The following GTPBP1 variants were observed in gnomAD, a reference collection of about 807,000 sequenced individuals.
GTPBP1 encodes the protein GTP-binding protein 1.
In GTPBP1, 23 loss-of-function variants were observed where a neutral mutation model predicts 62.0. The observed-to-expected ratio is 0.37, with a 90% CI of 0.27 to 0.53. The LOEUF is 0.53. GTPBP1 is among the 20% of genes least tolerant of loss of function. The pLI, the probability that GTPBP1 is intolerant of heterozygous loss-of-function variation, is 0.89. For missense variants in GTPBP1, 640 were observed against 917.3 expected, an observed-to-expected ratio of 0.70 and a Z score of 3.90; for synonymous variants, 344 against 364.4, an observed-to-expected ratio of 0.94 and a Z score of 0.64.
At chr22:38,736,281 C>T (rs2092804001), downstream of GTPBP1, 1 of 1,613,360 alleles carries the variant, frequency 6.2e-7, no homozygotes. Flanking sequence ...TGGGCGGGCT[C>T]CCCATGCACT....
chr22:38,722,659 A>G (rs1018143765), intron 5 of GTPBP1: 49 of 1,523,660 alleles, frequency 3.2e-5, no homozygotes, highest in Admixed American at 1.9e-4. Context: ...CCTTCTACAG[A>G]TAATCATCTA....
downstream of GTPBP1, chr22:38,736,373 G>A (rs375420471): frequency 1.5e-5 from 25 of 1,612,954 alleles, no homozygotes; most frequent in South Asian, 7.7e-5. Context: ...CGTGGCCATC[G>A]TAGGGGCCTG....
In GTPBP1 at chr22:38,727,302, C is replaced by T. The variant is rs774021549; in HGVS notation, c.1491C>T (p.Leu497=). ...CCTGGGAGTTTGAGGCCGAGATTCT[C>T]GTCCTCCACCACCCCACCACAATTA... ...QASWEFEAEI[L]VLHHPTTISP... The change falls in exon 9 of 12, where the codon CTC becomes CTT. Residue 497 remains leucine (L), a synonymous_variant. Transcript: ENST00000216044. This position sits in a 1 kb window ranked among gnomAD's most constrained non-coding sequence, Gnocchi z 6.5. The T allele has an allele frequency of 6.9e-6, 11 of 1,598,634 alleles. No homozygotes were observed. Among genetic ancestry groups the T allele is most frequent in the Non-Finnish European group, 8.5e-6 (10 of 1,172,432 alleles).
downstream of GTPBP1, chr22:38,736,320 G>T (rs756051703): frequency 6.2e-7 from 1 of 1,614,036 alleles, no homozygotes; most frequent in Admixed American, 1.7e-5. Context: ...GTGTACTCGG[G>T]GTGGCCCCAG....
chr22:38,717,052 C>A, intron 4 of GTPBP1, 52 bp downstream of exon 4: 1 of 1,126,480 alleles, frequency 8.9e-7, no homozygotes, highest in Non-Finnish European at 1.3e-6. Flanking sequence ...CTGCTTGGGT[C>A]TGGTTATGTG....
intron 4 of GTPBP1, among the ~76,000 whole-genome samples, chr22:38,721,066 A>G (rs1409612642): frequency 6.6e-6 from 1 of 152,040 alleles, no homozygotes; most frequent in East Asian, 1.9e-4. Context: ...TGCCACACCC[A>G]GTCAATTTTT....
chr22:38,716,611 C>A lies in GTPBP1; in HGVS notation c.486-41C>A. The A allele has an allele frequency of 7.0e-7, 1 of 1,427,200 alleles. No individual in the cohort carries two copies. The highest frequency in any genetic ancestry group is 9.7e-7 in the Non-Finnish European group (1 of 1,026,928). 88.4% of individuals were successfully genotyped at this position (1,427,200 alleles called of 1,614,324 possible). On this transcript the variant is annotated intron_variant, in intron 3 of 11. Transcript: ENST00000216044. This position sits in a 1 kb window ranked among gnomAD's most constrained non-coding sequence, Gnocchi z 5.2. ...TGATGGTCGCTCCACCTCACTCATT[C>A]ACTAACTCTCACATAGATGTATGGG...
chr22:38,730,662 G>A lies in GTPBP1; in HGVS notation c.1968G>A (p.Val656=). The A allele has an allele frequency of 3.1e-6, 5 of 1,605,430 alleles. No individual in the cohort carries two copies. The highest frequency in any genetic ancestry group is 4.2e-6 in the Non-Finnish European group (5 of 1,178,904). Residue 656 remains valine, a synonymous_variant, in exon 12 of 12, where the codon GTG becomes GTA. Transcript: ENST00000216044. The surrounding 1 kb of genome is among the most constrained non-coding windows in gnomAD (Gnocchi z 5.6). The stretch of plus-strand genomic sequence containing the variant: ...GACGAGGGGGCCAGCGCCACAAGGT[G>A]AAGTCCCAGGGGGCCTGTGTGACTC... ...GRRRGGQRHK[V]KSQGACVTPA...
intron 2 of GTPBP1, among the ~76,000 whole-genome samples, chr22:38,710,949 A>G (rs2092635396): frequency 6.6e-6 from 1 of 152,182 alleles, no homozygotes; most frequent in Non-Finnish European, 1.5e-5. Flanking sequence ...TCAGACATTT[A>G]TTAACACATC....
chr22:38,735,055 C>T (rs986092839), downstream of GTPBP1: 20 of 326,240 alleles, frequency 6.1e-5, no homozygotes, highest in Non-Finnish European at 8.4e-5. Context: ...CCCCACAGAA[C>T]GGGGCTAGGA....
At chr22:38,734,107 A>C (rs543726462), downstream of GTPBP1, 220 of 293,426 alleles carry the variant, frequency 7.5e-4, no homozygotes, top group Non-Finnish European at 1.4e-3. Context: ...GGCTGTCTCC[A>C]CAGTCCTCCC....
At chr22:38,741,134 C>G, downstream of GTPBP1, 2 of 1,464,292 alleles carry the variant, frequency 1.4e-6, no homozygotes, top group Non-Finnish European at 1.9e-6. Flanking sequence ...CTGTTAGCGT[C>G]TTTGCTTAAC....
downstream of GTPBP1, chr22:38,735,290 C>T (rs750804504): frequency 2.0e-5 from 9 of 453,644 alleles, no homozygotes; most frequent in South Asian, 3.1e-5. Flanking sequence ...CCTGAGCGGA[C>T]GACCCCTACA....
chr22:38,736,008 T>C, downstream of GTPBP1: 1 of 438,348 alleles, frequency 2.3e-6, no homozygotes, highest in Non-Finnish European at 4.4e-6. Flanking sequence ...CATGATATGC[T>C]ACATATATAC....
downstream of GTPBP1, chr22:38,736,224 C>G (rs979124845): frequency 6.4e-7 from 1 of 1,573,960 alleles, no homozygotes; most frequent in East Asian, 2.2e-5. Context: ...GGGTGCTGTT[C>G]ACCCACTCCC....
chr22:38,734,008 A>T (rs916392217), downstream of GTPBP1: 1 of 224,806 alleles, frequency 4.4e-6, no homozygotes, highest in Non-Finnish European at 9.2e-6. Flanking sequence ...AAGGGGAGTG[A>T]GCACAGGACC....
At chr22:38,722,730 A>T in intron 5 of GTPBP1, 1 of 1,602,594 alleles carries the variant, frequency 6.2e-7, no homozygotes, top group Non-Finnish European at 8.5e-7. Context: ...GTGCAGATAC[A>T]CATGGGTGAT....
chr22:38,737,768 AG>A (rs1569293759), downstream of GTPBP1: 1 of 390,272 alleles, frequency 2.6e-6, no homozygotes, highest in Non-Finnish European at 5.1e-6. The surrounding 1 kb of genome is among the most constrained non-coding windows in gnomAD (Gnocchi z 4.1). Flanking sequence ...TAACTGACTT[AG>A]GAGATCGGAT....
chr22:38,736,486 T>A, downstream of GTPBP1: 1 of 839,446 alleles, frequency 1.2e-6, no homozygotes, highest in Non-Finnish European at 1.8e-6. Context: ...ATGGCTCCCC[T>A]GCTCCTTCCC....
Sources: allele counts gnomAD v4.1 joint callset (sites outside exome capture counted in the v4.1 genomes callset), GRCh38; gene constraint gnomAD v4.1.1; non-coding constraint Gnocchi (gnomAD v3.1); transcripts MANE v1.5; gene names NCBI Gene and HGNC (gene_info 2026-07-23, HGNC 2026-07-21).